DDX59: variants seen among roughly 807,000 people sequenced by gnomAD.
DDX59 encodes probable ATP-dependent RNA helicase DDX59.
Under a neutral mutation model 51.9 loss-of-function variants are expected in DDX59, and 30 were observed. The ratio of observed to expected loss-of-function variants is 0.58; its 90% CI spans 0.43 to 0.78. DDX59 has a LOEUF of 0.78. Ranked by LOEUF, DDX59 falls within the 30% of genes least tolerant of loss-of-function variation. The pLI, the probability that DDX59 is intolerant of heterozygous loss-of-function variation, is 0.00. For missense variants in DDX59, 672 were observed against 730.8 expected (o/e 0.92, Z 0.93); for synonymous variants, 255 against 253.3 (o/e 1.01, Z -0.06).
chr1:200,645,436 T>A (rs903794542), intron 7 of DDX59, among the ~76,000 whole-genome samples: 4 of 151,982 alleles, frequency 2.6e-5, no homozygotes, highest in African/African-American at 9.7e-5. Flanking sequence ...CGCCACCATA[T>A]CTGGATAATT....
chr1:200,647,431 A>G (rs971426218), intron 7 of DDX59, among the ~76,000 whole-genome samples: 4 of 152,216 alleles, frequency 2.6e-5, no homozygotes, highest in African/African-American at 9.6e-5. Context: ...TATCAACTTA[A>G]AACGATCTTT....
chr1:200,666,684 AC>A lies in DDX59; in HGVS notation c.56del (p.Ser19IlefsTer6). The A allele has an allele frequency of 6.2e-7, 1 of 1,614,104 alleles. No individual in the cohort carries two copies. Among genetic ancestry groups the A allele is most frequent in the South Asian group, 1.1e-5 (1 of 91,080 alleles). ...CTGGTTTAATTATCTTAGCCACACA[AC>A]TTTTGCCATCATCATTAGCATTCCT... is the stretch of plus-strand genomic sequence containing the variant. Reference protein sequence around the residue: ...IKRNANDDGKSCVAKIIKPDP... With the variant: ...IKRNANDDGKXCVAKIIKPDP... On this transcript the variant is annotated frameshift_variant, in exon 2 of 8. Transcript: ENST00000331314. LOFTEE classifies it high-confidence loss of function.
intron 3 of DDX59, among the ~76,000 whole-genome samples, chr1:200,660,180 T>G (rs2102901413): frequency 6.6e-6 from 1 of 152,334 alleles, no homozygotes; most frequent in African/African-American, 2.4e-5. Flanking sequence ...TGGCCACCAT[T>G]ATTTCTTCCA....
Position 200,665,934 on chromosome 1 carries a change from T to TA in DDX59, c.804+2dup. 1 of 1,596,196 alleles carries TA rather than the reference T, an allele frequency of 6.3e-7. No individual in the cohort carries two copies. The highest frequency in any genetic ancestry group is 8.5e-7 in the Non-Finnish European group (1 of 1,171,690). ...ACATGTGAACTCTATTATTAACACT[T>TA]ACCTCGAATAAAGCTCGCATGATAA... On this transcript the variant is annotated splice_region_variant and intron_variant, in intron 2 of 7. Transcript: ENST00000331314.
Position 200,648,169 on chromosome 1 carries a change from G to A in DDX59, c.1596+270C>T, listed in dbSNP as rs1487274185. Among the ~76,000 whole-genome samples, 2 of 151,144 alleles carry A rather than the reference G, an allele frequency of 1.3e-5. No individual in the cohort carries two copies. Among genetic ancestry groups the A allele is most frequent in the East Asian group, 2.0e-4 (1 of 5,086 alleles). ...CTCCTGAGTAGTTGGGACTACAAGCGCCTGCCACCATACCAGGCTAAATTT... is the reference window on the plus strand; with the variant it reads ...CTCCTGAGTAGTTGGGACTACAAGCACCTGCCACCATACCAGGCTAAATTT... On this transcript the variant is annotated intron_variant, in intron 7 of 7. Coordinates refer to ENST00000331314, the MANE Select transcript of DDX59 (RefSeq NM_001031725.6).
chr1:200,641,019 G>C (rs539818547), downstream of DDX59: 1 of 370,318 alleles, frequency 2.7e-6, no homozygotes, highest in Non-Finnish European at 5.4e-6. Context: ...TGTGGCCCTA[G>C]AGCCTCTGAG....
Position 200,666,578 on chromosome 1 carries a change from G to C in DDX59, c.163C>G (p.His55Asp). ...VATEAATIDR[H>D]ISESCPFPSP... Reference sequence around the variant, plus strand: ...GGGAAAGGGCATGATTCGCTGATGTGCCTGTCTATTGTGGCTGCTTCTGTA... The same window carrying C: ...GGGAAAGGGCATGATTCGCTGATGTCCCTGTCTATTGTGGCTGCTTCTGTA... The change falls in exon 2 of 8, where the codon CAC becomes GAC. Residue 55 changes from histidine (H) to aspartate (D), a missense_variant. By Grantham distance (81) the His-to-Asp change is moderately conservative. Transcript: ENST00000331314. 6.2e-7 allele frequency: 1 copy of C among 1,614,184 alleles called. No homozygotes were observed. Among genetic ancestry groups the C allele is most frequent in the African/African-American group, 1.3e-5 (1 of 75,040 alleles).
At chr1:200,643,535 T>C (rs944553849), downstream of DDX59, among the ~76,000 whole-genome samples, 1 of 151,830 alleles carries the variant, frequency 6.6e-6, no homozygotes, top group African/African-American at 2.4e-5. Flanking sequence ...TCCAGCTACT[T>C]GGGAGGCTGA....
chr1:200,659,470 G>A (rs937486535), intron 3 of DDX59, among the ~76,000 whole-genome samples: 2 of 152,146 alleles, frequency 1.3e-5, no homozygotes, highest in Non-Finnish European at 2.9e-5. Context: ...GGCCAGTGAA[G>A]TTTCTAAATG....
intron 1 of DDX59, among the ~76,000 whole-genome samples, chr1:200,668,935 C>G (rs960270408): frequency 6.6e-6 from 1 of 152,186 alleles, no homozygotes; most frequent in Non-Finnish European, 1.5e-5. Context: ...CCTTTCTAAA[C>G]TAAACCAATG....
At chr1:200,654,184 C>T (rs532244873) in intron 4 of DDX59, among the ~76,000 whole-genome samples, 1 of 151,978 alleles carries the variant, frequency 6.6e-6, no homozygotes, top group African/African-American at 2.4e-5. Flanking sequence ...GAGGCCGAGG[C>T]GGGCGGATCA....
chr1:200,662,134 T>G lies in DDX59; in HGVS notation c.972+1785A>C, dbSNP rs548944356. ...ACAGCCTGCAGAACCATGAGCCAATTAAAGTTCTTTTCTTTATAAATTAGT... is the reference window on the plus strand; with the variant it reads ...ACAGCCTGCAGAACCATGAGCCAATGAAAGTTCTTTTCTTTATAAATTAGT... On this transcript the variant is annotated intron_variant, in intron 3 of 7. Transcript: ENST00000331314. Among the ~76,000 whole-genome samples, 16 of 152,330 alleles carry G rather than the reference T, an allele frequency of 1.1e-4. 1 individual carries two copies. The South Asian group carries it at 3.3e-3, about 32-fold the overall frequency.
At chr1:200,658,954 A>G in intron 4 of DDX59, 73 bp downstream of exon 4, 1 of 1,300,030 alleles carries the variant, frequency 7.7e-7, no homozygotes, top group Non-Finnish European at 1.1e-6. Context: ...TGAACATACA[A>G]TGAAATTATA....
intron 4 of DDX59, among the ~76,000 whole-genome samples, chr1:200,654,174 G>C (rs1661853371): frequency 6.6e-6 from 1 of 152,130 alleles, no homozygotes; most frequent in Non-Finnish European, 1.5e-5. Flanking sequence ...AGCACTTTGG[G>C]AGGCCGAGGC....
chr1:200,662,871 A>G (rs1216928129), intron 3 of DDX59, among the ~76,000 whole-genome samples: 1 of 152,214 alleles, frequency 6.6e-6, no homozygotes, highest in Non-Finnish European at 1.5e-5. Flanking sequence ...TACTTTATAA[A>G]TATATACTGC....
At position 200,644,365 on chromosome 1, in the gene DDX59, G is replaced by A. The variant is rs779440784; in HGVS notation, c.1749C>T (p.Asp583=). 6 of 1,613,590 alleles carry A rather than the reference G, an allele frequency of 3.7e-6. No individual in the cohort carries two copies. The Admixed American group carries it at 5.0e-5, about 13-fold the overall frequency. The part of the protein sequence containing the change: ...PQLLNSPYLH[D]QKRKEQQKDK... ...CTTTCTGTTGTTCCTTTCTCTTCTG[G>A]TCATGAAGGTATGGGGAATTTAATA... The change falls in exon 8 of 8, where the codon GAC becomes GAT. Residue 583 remains aspartate (D), a synonymous_variant. Transcript: ENST00000331314.
chr1:200,659,060 T>C lies in DDX59; in HGVS notation c.1029A>G (p.Glu343=). ...CTACCACAATCTTTACACCACAGAGTTCTACAGAGCTCTGCTTTATTATAT... is the reference window on the plus strand; with the variant it reads ...CTACCACAATCTTTACACCACAGAGCTCTACAGAGCTCTGCTTTATTATAT... ...LLDIIKQSSV[E]LCGVKIVVVD... Residue 343 remains glutamate (E), a synonymous_variant, in exon 4 of 8, where the codon GAA becomes GAG. Coordinates refer to ENST00000331314, the MANE Select transcript of DDX59 (RefSeq NM_001031725.6). 6.2e-7 allele frequency: 1 copy of C among 1,613,654 alleles called. No individual in the cohort carries two copies. The highest frequency in any genetic ancestry group is 8.5e-7 in the Non-Finnish European group (1 of 1,179,802).
chr1:200,648,699 CAT>C, intron 6 of DDX59, 132 bp from the exon 7 acceptor site: 1 of 1,030,228 alleles, frequency 9.7e-7, no homozygotes, highest in South Asian at 1.9e-5. Flanking sequence ...AAGTAAAGGT[CAT>C]AGTATACCTG....
chr1:200,659,333 A>G (rs1283720030), intron 3 of DDX59, among the ~76,000 whole-genome samples: 1 of 152,216 alleles, frequency 6.6e-6, no homozygotes, highest in Non-Finnish European at 1.5e-5. Flanking sequence ...TAAATACACT[A>G]AGCCATAACT....
Sources: gnomAD v4.1 joint callset for allele counts (sites outside exome capture counted in the v4.1 genomes callset) on GRCh38, gnomAD v4.1.1 for gene constraint, MANE v1.5 for transcripts, NCBI Gene and HGNC (gene_info 2026-07-23, HGNC 2026-07-21) for gene names.